The following ESRP1 variants were observed in gnomAD, a reference collection of about 807,000 sequenced individuals.
The protein encoded by ESRP1 is RNA-binding motif protein 35A.
Under a neutral mutation model 81.7 loss-of-function variants are expected in ESRP1, and 33 were observed. The observed-to-expected ratio is 0.40, with a 90% CI of 0.31 to 0.54. The LOEUF (loss-of-function observed/expected upper bound fraction) is 0.54, where lower values mean the gene tolerates loss of function less well. ESRP1 is among the 20% of genes least tolerant of loss of function. ESRP1 has a pLI of 0.41. For missense variants in ESRP1, 672 were observed against 833.1 expected (o/e 0.81, Z 2.38); for synonymous variants, 320 against 303.3 (o/e 1.06, Z -0.57).
rs1426171 is a variant in ESRP1 at position 94,664,904 on chromosome 8, T to C, written c.756-23T>C. On this transcript the variant is annotated intron_variant, in intron 7 of 15. Transcript: ENST00000433389. ...TCACTGTATTTTTTTTTCTACCTGCTGTCTGTTTTATTATTCTCAAAGGGG... is the reference window on the plus strand; with the variant it reads ...TCACTGTATTTTTTTTTCTACCTGCCGTCTGTTTTATTATTCTCAAAGGGG... 0.73 allele frequency: 1,173,569 copies of C among 1,607,306 alleles called. 429,862 individuals are homozygous for C. Among genetic ancestry groups the C allele is most frequent in the East Asian group, 0.8 (36,054 of 44,790 alleles).
intron 4 of ESRP1, 49 bp from the exon 5 acceptor site, chr8:94,662,223 G>A: frequency 8.4e-7 from 1 of 1,186,634 alleles, no homozygotes; most frequent in Non-Finnish European, 1.2e-6. Context: ...TGATTTAGAA[G>A]TAACCTGATT....
intron 9 of ESRP1, among the ~76,000 whole-genome samples, chr8:94,665,822 A>C (rs1489304245): frequency 6.6e-6 from 1 of 152,054 alleles, no homozygotes; most frequent in Non-Finnish European, 1.5e-5. Flanking sequence ...AAAGAGTCAG[A>C]AAACTGCTTT....
intron 15 of ESRP1, among the ~76,000 whole-genome samples, chr8:94,700,936 A>AATGTGTGTGTGTGTGT (rs1292749068): frequency 7.8e-6 from 1 of 128,162 alleles, no homozygotes; most frequent in Non-Finnish European, 1.6e-5. Flanking sequence ...CTCAAAAAAA[A>AATGTGTGTGTGTGTGT]ATGTGTGTGT....
intron 11 of ESRP1, 131 bp from the exon 12 acceptor site, chr8:94,674,177 C>T (rs1819477458): frequency 1.0e-6 from 1 of 967,064 alleles, no homozygotes; most frequent in Non-Finnish European, 1.5e-6. Context: ...GCAGATCACA[C>T]CATCACCCGG....
At chr8:94,695,882 G>C (rs149715966) in intron 14 of ESRP1, among the ~76,000 whole-genome samples, 1 of 152,026 alleles carries the variant, frequency 6.6e-6, no homozygotes, top group East Asian at 1.9e-4. Flanking sequence ...GGCCAACATG[G>C]TGAAACCCTG....
At chr8:94,688,114 G>A (rs74855257) in intron 13 of ESRP1, 23,441 of 152,330 alleles carry the variant, frequency 0.15, 2,338 homozygotes, top group Non-Finnish European at 0.22. Flanking sequence ...ATCCTTTTAC[G>A]TGTTGATAGT....
chr8:94,644,307 A>G (rs1288536146), intron 3 of ESRP1, among the ~76,000 whole-genome samples: 1 of 152,152 alleles, frequency 6.6e-6, no homozygotes, highest in Non-Finnish European at 1.5e-5. Flanking sequence ...AGATGGAAGT[A>G]GAATATATTT....
Position 94,674,467 on chromosome 8 carries a change from A to C in ESRP1, c.1612A>C (p.Asn538His). ...CTTTGTGTTAATGGGGGGCACTTTA[A>C]ATCGAAATGGCTTATCCCCACCGCC... The part of the protein sequence containing the change: ...MNFVLMGGTL[N>H]RNGLSPPPCK... Residue 538 changes from asparagine to histidine, a missense_variant, in exon 12 of 16, where the codon AAT becomes CAT. Transcript: ENST00000433389. The C allele has an allele frequency of 6.2e-7, 1 of 1,613,894 alleles. No homozygotes were observed. Among genetic ancestry groups the C allele is most frequent in the African/African-American group, 1.3e-5 (1 of 75,032 alleles).
chr8:94,700,990 G>A (rs1809811457), intron 15 of ESRP1, among the ~76,000 whole-genome samples: 1 of 148,214 alleles, frequency 6.7e-6, no homozygotes, highest in South Asian at 2.1e-4. Flanking sequence ...TGTGTTAAGA[G>A]GGCCGGGTGC....
chr8:94,688,080 A>G (rs1456116102), intron 13 of ESRP1: 6 of 152,288 alleles, frequency 3.9e-5, no homozygotes, highest in African/African-American at 1.4e-4. Flanking sequence ...GTCTAAAATC[A>G]TCCCTTTAGA....
intron 4 of ESRP1, among the ~76,000 whole-genome samples, chr8:94,659,454 A>G (rs746198237): frequency 1.3e-5 from 2 of 152,186 alleles, no homozygotes; most frequent in African/African-American, 2.4e-5. Flanking sequence ...TGGTTACCCC[A>G]TCTCTCTCCC....
intron 13 of ESRP1, among the ~76,000 whole-genome samples, chr8:94,682,101 G>A (rs1212263389): frequency 6.6e-6 from 1 of 152,174 alleles, no homozygotes; most frequent in Non-Finnish European, 1.5e-5. Context: ...AGCTAGGGCA[G>A]AAAAGTATTT....
At chr8:94,696,743 C>T in intron 14 of ESRP1, 109 bp from the exon 15 acceptor site, 2 of 777,466 alleles carry the variant, frequency 2.6e-6, no homozygotes, top group Non-Finnish European at 4.1e-6. Context: ...TTTGTTTCCT[C>T]CTATCTAAAT....
At chr8:94,648,805 G>T (rs1171958308) in intron 4 of ESRP1, among the ~76,000 whole-genome samples, 1 of 150,628 alleles carries the variant, frequency 6.6e-6, no homozygotes. Context: ...TCCTTGATTG[G>T]TTGTTTTAAA....
intron 11 of ESRP1, 101 bp from the exon 12 acceptor site, chr8:94,674,207 T>G (rs933069570): frequency 3.0e-5 from 39 of 1,293,030 alleles, no homozygotes; most frequent in Non-Finnish European, 2.7e-5. Flanking sequence ...CTAAAATATC[T>G]GTATTATGGG....
chr8:94,667,918 C>A, intron 9 of ESRP1, 31 bp from the exon 10 acceptor site: 1 of 1,520,520 alleles, frequency 6.6e-7, no homozygotes, highest in South Asian at 1.3e-5. Flanking sequence ...AACTATTTCT[C>A]TCCCTGCTTC....
Position 94,674,363 on chromosome 8 carries a change from T to C in ESRP1, c.1508T>C (p.Met503Thr), listed in dbSNP as rs1819486781. The change falls in exon 12 of 16, where the codon ATG (methionine) becomes ACG (threonine). Residue 503 changes from methionine to threonine, a missense_variant. Met to Thr is a moderately conservative substitution (Grantham distance 81). Transcript: ENST00000433389. ...IQMKSADRAF[M>T]AAQKCHKKNM... The stretch of plus-strand genomic sequence containing the variant: ...ATGAAGTCTGCGGACAGAGCATTTA[T>C]GGCTGCACAGAAGTGTCATAAAAAA... 6.2e-7 allele frequency: 1 copy of C among 1,613,998 alleles called. No individual in the cohort carries two copies. The highest frequency in any genetic ancestry group is 8.5e-7 in the Non-Finnish European group (1 of 1,179,890).
At chr8:94,657,073 T>C (rs1818461593) in intron 4 of ESRP1, among the ~76,000 whole-genome samples, 1 of 152,246 alleles carries the variant, frequency 6.6e-6, no homozygotes, top group Admixed American at 6.5e-5. Context: ...TGTTAATATA[T>C]AGACCAAGTC....
At chr8:94,704,051 T>C (rs1164351314) in intron 15 of ESRP1, among the ~76,000 whole-genome samples, 1 of 152,210 alleles carries the variant, frequency 6.6e-6, no homozygotes, top group African/African-American at 2.4e-5. Flanking sequence ...ATTTAAAAGA[T>C]GCATCCTAAC....
Sources: allele counts gnomAD v4.1 joint callset (sites outside exome capture counted in the v4.1 genomes callset), GRCh38; gene constraint gnomAD v4.1.1; transcripts MANE v1.5; gene names NCBI Gene and HGNC (gene_info 2026-07-23, HGNC 2026-07-21).